PECR: variants seen among roughly 807,000 people sequenced by gnomAD.
PECR encodes 2,4-dienoyl-CoA reductase-related protein.
PECR carries 30 observed loss-of-function variants against 35.3 expected under a neutral mutation model. The ratio of observed to expected loss-of-function variants is 0.85; its 90% CI spans 0.64 to 1.15. The LOEUF (loss-of-function observed/expected upper bound fraction) is 1.15. Among genes scored for constraint, PECR ranks in the 50% most tolerant of loss-of-function variants. The pLI, the probability that PECR is intolerant of heterozygous loss-of-function variation, is 0.00. For missense variants in PECR, 392 were observed against 370.8 expected, an observed-to-expected ratio of 1.06 and a Z score of -0.47; for synonymous variants, 148 against 138.9, an observed-to-expected ratio of 1.07 and a Z score of -0.46.
At chr2:216,044,279 C>T (rs1255399650) in intron 6 of PECR, among the ~76,000 whole-genome samples, 1 of 152,178 alleles carries the variant, frequency 6.6e-6, no homozygotes, top group Non-Finnish European at 1.5e-5. Context: ...GTCAAGCAAG[C>T]TACATGACGT....
At chr2:216,029,114 A>T (rs1169224935) in intron 7 of PECR, among the ~76,000 whole-genome samples, 2 of 152,234 alleles carry the variant, frequency 1.3e-5, no homozygotes, top group Admixed American at 6.5e-5. Context: ...TTATTTATTT[A>T]TTTAAAAGGA....
intron 3 of PECR, among the ~76,000 whole-genome samples, chr2:216,061,603 G>A (rs1434905040): frequency 6.6e-6 from 1 of 152,044 alleles, no homozygotes; most frequent in African/African-American, 2.4e-5. Context: ...AAATATTTAA[G>A]TGAATATAAT....
At chr2:216,070,496 C>T (rs1695568400) in intron 1 of PECR, among the ~76,000 whole-genome samples, 1 of 152,210 alleles carries the variant, frequency 6.6e-6, no homozygotes, top group African/African-American at 2.4e-5. Context: ...CCCTCTGTGG[C>T]AGACTGCCAT....
At chr2:216,066,020 A>G (rs1294333598) in intron 2 of PECR, among the ~76,000 whole-genome samples, 1 of 152,158 alleles carries the variant, frequency 6.6e-6, no homozygotes, top group Non-Finnish European at 1.5e-5. Flanking sequence ...GCTACTCAGG[A>G]GGCTGAGTCA....
At position 216,029,454 on chromosome 2, in the gene PECR, C is replaced by CGAGA. The variant is rs753576885; in HGVS notation, c.*440+9733_*440+9736dup. 3.0e-3 allele frequency among the ~76,000 whole-genome samples: 376 copies of CGAGA among 127,088 alleles called. 1 individual carries two copies. The highest frequency in any genetic ancestry group is 4.6e-3 in the Non-Finnish European group (274 of 59,066). 83.4% of individuals were successfully genotyped at this position (127,088 alleles called of 152,430 possible). On this transcript the variant is annotated intron_variant and NMD_transcript_variant, in intron 7 of 7. Coordinates refer to the PECR transcript ENST00000442122. ...GATCACGCCACTGCACTCCGCCTGG[C>CGAGA]GAGAGAGTGAGACTCCATCTCAAAA... is the stretch of plus-strand genomic sequence containing the variant.
At chr2:216,057,109 C>A (rs1331839400) in intron 4 of PECR, among the ~76,000 whole-genome samples, 2 of 152,132 alleles carry the variant, frequency 1.3e-5, no homozygotes, top group African/African-American at 4.8e-5. Flanking sequence ...GGAACTACAA[C>A]TTTTCTAAAG....
At chr2:216,048,861 A>AC (rs1335814672) in intron 6 of PECR, among the ~76,000 whole-genome samples, 1 of 151,332 alleles carries the variant, frequency 6.6e-6, no homozygotes, top group African/African-American at 2.4e-5. Context: ...AAAAAAAAAA[A>AC]AAAAACCGCT....
chr2:216,059,353 T>C (rs1695289766), intron 3 of PECR, among the ~76,000 whole-genome samples: 1 of 152,208 alleles, frequency 6.6e-6, no homozygotes, highest in Non-Finnish European at 1.5e-5. Context: ...ACACAATACG[T>C]GGTCTTTTGT....
intron 1 of PECR, among the ~76,000 whole-genome samples, 183 bp downstream of exon 1, chr2:216,081,435 C>G (rs1292363825): frequency 3.3e-5 from 5 of 152,224 alleles, no homozygotes; most frequent in Non-Finnish European, 7.3e-5. Flanking sequence ...AGTGGCTCCA[C>G]AATTCCTTAG....
chr2:216,043,063 A>ACG (rs1559207855), intron 7 of PECR, among the ~76,000 whole-genome samples: 14 of 48,480 alleles, frequency 2.9e-4, no homozygotes, highest in South Asian at 5.5e-4. Context: ...ACATACGTAT[A>ACG]TATGTATGTA....
chr2:216,061,607 A>G (rs1270781676), intron 3 of PECR, among the ~76,000 whole-genome samples: 1 of 152,162 alleles, frequency 6.6e-6, no homozygotes, highest in African/African-American at 2.4e-5. Flanking sequence ...ATTTAAGTGA[A>G]TATAATCACC....
chr2:216,043,903 C>G lies in PECR; in HGVS notation c.826+1G>C, dbSNP rs1294283512. 2.0e-6 allele frequency: 3 copies of G among 1,514,550 alleles called. No individual in the cohort carries two copies. Among genetic ancestry groups the G allele is most frequent in the South Asian group, 1.1e-5 (1 of 89,174 alleles). 93.8% of individuals were successfully genotyped at this position (1,514,550 alleles called of 1,614,324 possible). Reference sequence around the variant, plus strand: ...TGACTGCTCATTCCTCAGCTGCTCACCTGGTACCTCATACGAGTGAGTATA... The same window carrying G: ...TGACTGCTCATTCCTCAGCTGCTCAGCTGGTACCTCATACGAGTGAGTATA... On this transcript the variant is annotated splice_donor_variant, in intron 7 of 7. Transcript: ENST00000265322. LOFTEE classifies it high-confidence loss of function.
chr2:216,033,985 C>G (rs1330410699), downstream of PECR: 1 of 152,196 alleles, frequency 6.6e-6, no homozygotes, highest in African/African-American at 2.4e-5. Context: ...GGTTTAGAAT[C>G]TTCCCGCTGG....
chr2:216,037,063 C>T (rs1694805630), downstream of PECR, among the ~76,000 whole-genome samples: 2 of 150,206 alleles, frequency 1.3e-5, no homozygotes, highest in South Asian at 4.3e-4. Flanking sequence ...TATTTTTTCA[C>T]CATTGCATGT....
chr2:216,079,079 C>A (rs187486083), intron 1 of PECR, among the ~76,000 whole-genome samples: 1 of 150,786 alleles, frequency 6.6e-6, no homozygotes, highest in Admixed American at 6.6e-5. Context: ...GAGGATAGAG[C>A]TTGGTGTTGA....
intron 6 of PECR, among the ~76,000 whole-genome samples, chr2:216,047,957 T>G (rs1013081891): frequency 3.3e-5 from 5 of 150,916 alleles, no homozygotes; most frequent in African/African-American, 1.2e-4. Context: ...ACTGATGCAC[T>G]GCCTACTGCC....
chr2:216,073,657 TA>T (rs2105968130), intron 1 of PECR, among the ~76,000 whole-genome samples: 1 of 152,114 alleles, frequency 6.6e-6, no homozygotes, highest in South Asian at 2.1e-4. Context: ...AATTTTATAA[TA>T]AAAATACCAT....
intron 3 of PECR, among the ~76,000 whole-genome samples, chr2:216,062,065 T>C (rs998998524): frequency 6.6e-6 from 1 of 151,438 alleles, no homozygotes; most frequent in Non-Finnish European, 1.5e-5. Flanking sequence ...TTTTTTTTTT[T>C]TTTTTGAGAC....
rs565121405 is a variant in PECR at position 216,076,869 on chromosome 2, T to G, written c.124+4749A>C. Among the ~76,000 whole-genome samples the G allele has an allele frequency of 4.0e-5, 6 of 151,690 alleles. No homozygotes were observed. In the East Asian group the frequency reaches 1.2e-3, roughly 30 times the overall value. ...ATGCATACCATATTATTGGGAAAAATAGAATTCTAAACCTAACAGCATTCC... is the reference window on the plus strand; with the variant it reads ...ATGCATACCATATTATTGGGAAAAAGAGAATTCTAAACCTAACAGCATTCC... On this transcript the variant is annotated intron_variant, in intron 1 of 7. Coordinates refer to ENST00000265322, the MANE Select transcript of PECR (RefSeq NM_018441.6).
Sources: allele counts gnomAD v4.1 joint callset (sites outside exome capture counted in the v4.1 genomes callset), GRCh38; gene constraint gnomAD v4.1.1; transcripts MANE v1.5; gene names NCBI Gene and HGNC (gene_info 2026-07-23, HGNC 2026-07-21).